Variants in PLXNA2 observed in about 807,000 individuals in gnomAD.
PLXNA2 encodes plexin A2.
In PLXNA2, 91 loss-of-function variants were observed where a neutral mutation model predicts 193.5. The ratio of observed to expected loss-of-function variants is 0.47; its 90% confidence interval spans 0.40 to 0.56. The LOEUF (loss-of-function observed/expected upper bound fraction) is 0.56. PLXNA2 is among the 20% of genes least tolerant of loss of function. PLXNA2 has a pLI of 0.00. For synonymous variants in PLXNA2, 997 were observed against 1,027.3 expected (o/e 0.97, Z 0.56); for missense variants, 1,995 against 2,503.2 (o/e 0.80, Z 4.33).
Position 208,042,151 on chromosome 1 carries a change from G to A in PLXNA2, c.4233C>T (p.Asp1411=). 6.2e-7 allele frequency: 1 copy of A among 1,614,210 alleles called. No homozygotes were observed. Among genetic ancestry groups the A allele is most frequent in the East Asian group, 2.2e-5 (1 of 44,880 alleles). The change falls in exon 22 of 32, where the codon GAC becomes GAT. Residue 1411 remains aspartate (D), a synonymous_variant. Transcript: ENST00000367033. Reference sequence around the variant, plus strand: ...TGTTCTCCAGGTTCTTATCGATGAGGTCAGAGAGCAGCTGCTTGAGGACAT... The same window carrying A: ...TGTTCTCCAGGTTCTTATCGATGAGATCAGAGAGCAGCTGCTTGAGGACAT... The part of the protein sequence containing the change: ...ATDVLKQLLS[D]LIDKNLENKN...
intron 9 of PLXNA2, among the ~76,000 whole-genome samples, chr1:208,089,856 A>G (rs1666652487): frequency 6.6e-6 from 1 of 152,134 alleles, no homozygotes; most frequent in African/African-American, 2.4e-5. Context: ...AGGGGATTCT[A>G]GTTCCCCAAA....
At chr1:208,225,978 G>T (rs907036062) in intron 1 of PLXNA2, among the ~76,000 whole-genome samples, 1 of 152,200 alleles carries the variant, frequency 6.6e-6, no homozygotes, top group African/African-American at 2.4e-5. Context: ...GAGGAGAAAG[G>T]CACTCAAACT....
intron 3 of PLXNA2, among the ~76,000 whole-genome samples, chr1:208,186,936 T>G (rs994775850): frequency 6.6e-6 from 1 of 151,182 alleles, no homozygotes; most frequent in Non-Finnish European, 1.5e-5. Context: ...TTAGCCAGGA[T>G]GGTCTCGATC....
At chr1:208,049,459 C>G (rs944567283) in intron 17 of PLXNA2, among the ~76,000 whole-genome samples, 2 of 152,038 alleles carry the variant, frequency 1.3e-5, no homozygotes, top group Non-Finnish European at 2.9e-5. Flanking sequence ...ACCCATGGAT[C>G]AAGTTCTACA....
In PLXNA2 at chr1:208,153,249, C is replaced by T. The variant is rs144955814; in HGVS notation, c.1372-10786G>A. Reference sequence around the variant, plus strand: ...TATGCACATTTTCTCATTTAATCCTCACAACAACCTAATGGGGTAGGCGCT... The same window carrying T: ...TATGCACATTTTCTCATTTAATCCTTACAACAACCTAATGGGGTAGGCGCT... On this transcript the variant is annotated intron_variant, in intron 3 of 31. Transcript: ENST00000367033. Among the ~76,000 whole-genome samples the T allele has an allele frequency of 2.6e-3, 390 of 152,284 alleles. 2 individuals carry two copies. Among genetic ancestry groups the T allele is most frequent in the Middle Eastern group, 0.01 (3 of 294 alleles).
At chr1:208,127,666 A>G (rs1668013807) in intron 4 of PLXNA2, among the ~76,000 whole-genome samples, 1 of 152,134 alleles carries the variant, frequency 6.6e-6, no homozygotes, top group South Asian at 2.1e-4. Flanking sequence ...GTAGAAGAGG[A>G]TGAAGGGAAA....
In PLXNA2 at chr1:208,031,951, G is replaced by A. The variant is rs987625001; in HGVS notation, c.5056-192C>T. 4 of 980,770 alleles carry A rather than the reference G, an allele frequency of 4.1e-6. No individual in the cohort carries two copies. In the African/African-American group the frequency reaches 7.0e-5, roughly 17 times the overall value. 60.8% of individuals were successfully genotyped at this position (980,770 alleles called of 1,614,324 possible). A position where few individuals can be genotyped will look rare whatever the true frequency, so the allele number is the denominator to read the frequency against. On this transcript the variant is annotated intron_variant, in intron 28 of 31. Coordinates refer to ENST00000367033, the MANE Select transcript of PLXNA2 (RefSeq NM_025179.4). ...AGGTGGGAGAAACTGGGTGGGCTGT[G>A]AATCCTGGGGAAGAATCTCTCCTCC...
rs575237545 is a variant in PLXNA2, at chr1:208,224,805, G to A, written c.-80-6803C>T. ...CACAGATGACACTGTGGCCCCTCCAGGAGGTGTCAAGACAAATTTGGGTGA... is the reference window on the plus strand; with the variant it reads ...CACAGATGACACTGTGGCCCCTCCAAGAGGTGTCAAGACAAATTTGGGTGA... On this transcript the variant is annotated intron_variant, in intron 1 of 31. Transcript: ENST00000367033. Among the ~76,000 whole-genome samples the A allele has an allele frequency of 3.7e-4, 56 of 152,256 alleles. No individual in the cohort carries two copies. The Middle Eastern group carries it at 0.01, about 28-fold the overall frequency.
In PLXNA2 at chr1:208,097,683, A is replaced by G. The variant is rs1666943385; in HGVS notation, c.1732-800T>C. The stretch of plus-strand genomic sequence containing the variant: ...AATGGCAAAATGCTGCTCTAAATCC[A>G]TTGCACTTTTAAATGAGTTTGTACT... On this transcript the variant is annotated intron_variant, in intron 6 of 31. Transcript: ENST00000367033. 2.0e-5 allele frequency among the ~76,000 whole-genome samples: 3 copies of G among 152,184 alleles called. No homozygotes were observed. The South Asian group carries it at 6.2e-4, about 32-fold the overall frequency.
intron 3 of PLXNA2, among the ~76,000 whole-genome samples, 194 bp from the exon 4 acceptor site, chr1:208,142,657 T>A (rs1019799531): frequency 1.3e-5 from 2 of 152,244 alleles, no homozygotes; most frequent in Non-Finnish European, 2.9e-5. Flanking sequence ...AGTCTGAGTG[T>A]TCTGGGCCTG....
At chr1:208,103,979 G>A (rs1667180844) in intron 4 of PLXNA2, among the ~76,000 whole-genome samples, 1 of 152,118 alleles carries the variant, frequency 6.6e-6, no homozygotes, top group African/African-American at 2.4e-5. Flanking sequence ...GGGCCTGTCT[G>A]GATATTACTC....
intron 3 of PLXNA2, among the ~76,000 whole-genome samples, chr1:208,197,445 T>G (rs1359376543): frequency 3.3e-5 from 5 of 152,228 alleles, no homozygotes; most frequent in African/African-American, 9.6e-5. Flanking sequence ...TGACTAAATA[T>G]GCTGCAAATT....
intron 3 of PLXNA2, among the ~76,000 whole-genome samples, chr1:208,165,247 C>T (rs1389841103): frequency 1.3e-5 from 2 of 152,182 alleles, no homozygotes; most frequent in East Asian, 3.8e-4. Flanking sequence ...AGCTTATGTT[C>T]TCTTACCCAG....
At chr1:208,064,230 C>A (rs374280918) in intron 12 of PLXNA2, among the ~76,000 whole-genome samples, 1 of 152,208 alleles carries the variant, frequency 6.6e-6, no homozygotes, top group Non-Finnish European at 1.5e-5. Context: ...TCATCTCCTA[C>A]CCACACTAAC....
Position 208,052,449 on chromosome 1 carries a change from C to T in PLXNA2, c.2871G>A (p.Leu957=). The change falls in exon 15 of 32, where the codon CTG becomes CTA. Residue 957 remains leucine (L), a synonymous_variant. Coordinates refer to ENST00000367033, the MANE Select transcript of PLXNA2 (RefSeq NM_025179.4). ...QQYTFVNPSV[L]SLNPIRGPES... ...CGGGACCTCGGATTGGGTTGAGTGACAGCACAGAAGGGTTCTTTGGAAAGA... is the reference window on the plus strand; with the variant it reads ...CGGGACCTCGGATTGGGTTGAGTGATAGCACAGAAGGGTTCTTTGGAAAGA... The T allele has an allele frequency of 6.2e-7, 1 of 1,614,090 alleles. No individual in the cohort carries two copies. Among genetic ancestry groups the T allele is most frequent in the Non-Finnish European group, 8.5e-7 (1 of 1,179,996 alleles).
chr1:208,048,600 C>T (rs529891947), intron 17 of PLXNA2, among the ~76,000 whole-genome samples: 1 of 152,300 alleles, frequency 6.6e-6, no homozygotes, highest in South Asian at 2.1e-4. Context: ...AACATTCCTG[C>T]CCAGTACTGT....
chr1:208,207,524 T>C (rs1318746827), intron 3 of PLXNA2, among the ~76,000 whole-genome samples: 1 of 152,202 alleles, frequency 6.6e-6, no homozygotes, highest in Non-Finnish European at 1.5e-5. Flanking sequence ...GGACATCCTG[T>C]TCCTACAGAC....
At chr1:208,096,218 C>A in intron 7 of PLXNA2, 93 bp from the exon 8 acceptor site, 1 of 913,580 alleles carries the variant, frequency 1.1e-6, no homozygotes, top group Non-Finnish European at 1.8e-6. Context: ...ATGAAGCCAC[C>A]ACAGGGCTCT....
intron 1 of PLXNA2, among the ~76,000 whole-genome samples, chr1:208,238,771 G>T (rs1331852174): frequency 6.6e-6 from 1 of 152,230 alleles, no homozygotes; most frequent in Non-Finnish European, 1.5e-5. Context: ...GCTACTACCT[G>T]AGAGTCTCAA....
Sources: allele counts gnomAD v4.1 joint callset (sites outside exome capture counted in the v4.1 genomes callset), GRCh38; gene constraint gnomAD v4.1.1; transcripts MANE v1.5; gene names NCBI Gene and HGNC (gene_info 2026-07-23, HGNC 2026-07-21).